Variants in KIF14 observed in about 807,000 individuals in gnomAD.
KIF14 encodes kinesin-like protein KIF14.
KIF14 carries 98 observed loss-of-function variants against 176.2 expected under a neutral mutation model. The observed-to-expected ratio is 0.56, with a 90% CI of 0.47 to 0.66. KIF14 has a LOEUF of 0.66. Ranked by LOEUF, KIF14 falls within the 30% of genes least tolerant of loss-of-function variation. The probability of loss-of-function intolerance (pLI) is 0.00; values close to 1 mark genes in which losing one functional copy is unlikely to be tolerated. For synonymous variants in KIF14, 566 were observed against 632.2 expected, an observed-to-expected ratio of 0.90 and a Z score of 1.57; for missense variants, 1,751 against 1,920.4, an observed-to-expected ratio of 0.91 and a Z score of 1.65.
intron 14 of KIF14, among the ~76,000 whole-genome samples, chr1:200,597,850 T>C (rs1410628491): frequency 2.0e-5 from 3 of 152,244 alleles, no homozygotes; most frequent in Non-Finnish European, 2.9e-5. Context: ...TCCAACAATA[T>C]ATACAAGTAT....
intron 14 of KIF14, among the ~76,000 whole-genome samples, chr1:200,594,329 T>C (rs1315653297): frequency 7.3e-6 from 1 of 136,142 alleles, no homozygotes; most frequent in Non-Finnish European, 1.5e-5. Context: ...GTATTTTTAT[T>C]ATAACTTCTT....
At chr1:200,615,245 G>T in intron 3 of KIF14, 110 bp downstream of exon 3, 1 of 1,177,508 alleles carries the variant, frequency 8.5e-7, no homozygotes, top group Non-Finnish European at 1.2e-6. Context: ...TGAGATTTGG[G>T]CCAAGATCTG....
At chr1:200,554,387 T>A (rs1427692999) in intron 29 of KIF14, 81 bp downstream of exon 29, 1 of 962,404 alleles carries the variant, frequency 1.0e-6, no homozygotes, top group East Asian at 2.9e-5. Flanking sequence ...CGAGACTCCA[T>A]CTCAAAAAAA....
chr1:200,553,556 G>T lies in KIF14; in HGVS notation c.4779C>A (p.Pro1593=). The change falls in exon 30 of 30, where the codon CCC becomes CCA. Residue 1593 remains proline (P), a synonymous_variant. Transcript: ENST00000367350. Reference sequence around the variant, plus strand: ...TGGTATTTTGATTATAAGTTTCCCAGGGTTTCAACAAATCAGGGCTTTCTT... The same window carrying T: ...TGGTATTTTGATTATAAGTTTCCCATGGTTTCAACAAATCAGGGCTTTCTT... ...ESEESPDLLK[P]WETYNQNTKE... is the part of the protein sequence containing the mutation. 6.2e-7 allele frequency: 1 copy of T among 1,613,978 alleles called. No homozygotes were observed. The highest frequency in any genetic ancestry group is 1.7e-5 in the Admixed American group (1 of 59,982).
rs755764695 is a variant in KIF14, at chr1:200,596,874, A to ATC, written c.2549+1361_2549+1362dup. 7.4e-3 allele frequency among the ~76,000 whole-genome samples: 925 copies of ATC among 125,058 alleles called. 14 individuals carry two copies. The highest frequency in any genetic ancestry group is 0.023 in the African/African-American group (735 of 31,492). The allele number at this position is 125,058 out of a possible 152,430, so 82.0% of individuals were successfully genotyped here. On this transcript the variant is annotated intron_variant, in intron 14 of 29. Transcript: ENST00000367350. Reference sequence around the variant, plus strand: ...CCACCGCACCTGGCCAGAACACTCTATCTCTCTCTCTCTCTTTTTTTTTTT... The same window carrying ATC: ...CCACCGCACCTGGCCAGAACACTCTATCTCTCTCTCTCTCTCTTTTTTTTTTT...
At chr1:200,589,522 A>AGATATCACTAGTCAAACTT (rs75982554) in intron 17 of KIF14, among the ~76,000 whole-genome samples, 153 bp from the exon 18 acceptor site, 10 of 151,742 alleles carry the variant, frequency 6.6e-5, no homozygotes, top group African/African-American at 2.4e-4. Context: ...AACTAAAAAT[A>AGATATCACTAGTCAAACTT]CTTAAGAGTA....
intron 16 of KIF14, 80 bp downstream of exon 16, chr1:200,592,000 C>G: frequency 8.1e-7 from 1 of 1,233,614 alleles, no homozygotes; most frequent in Non-Finnish European, 1.1e-6. Context: ...GAGTTAATTA[C>G]TAGAGACTGG....
chr1:200,604,063 A>G, intron 8 of KIF14, 108 bp from the exon 9 acceptor site: 1 of 674,412 alleles, frequency 1.5e-6, no homozygotes, highest in Admixed American at 2.5e-5. Context: ...TTTATTTTTT[A>G]AATAGTCTCT....
At chr1:200,610,073 A>G (rs1157877258) in intron 4 of KIF14, among the ~76,000 whole-genome samples, 1 of 152,232 alleles carries the variant, frequency 6.6e-6, no homozygotes, top group Non-Finnish European at 1.5e-5. Context: ...CTTAATGGGT[A>G]GAGGGTCCCC....
At chr1:200,606,902 CTTTAT>C (rs1659910473) in intron 5 of KIF14, 104 bp from the exon 6 acceptor site, 3 of 929,220 alleles carry the variant, frequency 3.2e-6, no homozygotes, top group Middle Eastern at 2.2e-4. Context: ...AGAGATTTGT[CTTTAT>C]TTTATCCAGG....
intron 21 of KIF14, among the ~76,000 whole-genome samples, chr1:200,577,358 A>G (rs1364998956): frequency 6.7e-6 from 1 of 150,338 alleles, no homozygotes. Context: ...AACAAAAATC[A>G]TGTTACCCAG....
intron 18 of KIF14, 46 bp downstream of exon 18, chr1:200,589,171 C>T: frequency 6.7e-7 from 1 of 1,488,052 alleles, no homozygotes; most frequent in East Asian, 2.4e-5. Context: ...AAAAAAAATC[C>T]AGCTTTTTCT....
rs188357087 is a variant in KIF14, at chr1:200,574,123, G to A, written c.3566+1468C>T. Among the ~76,000 whole-genome samples, 189 of 152,184 alleles carry A rather than the reference G, an allele frequency of 1.2e-3. No homozygotes were observed. In the Middle Eastern group the frequency reaches 0.021, roughly 17 times the overall value. ...CTTCATAGGTTTGTGGTGTGTACTA[G>A]GTAAGATAAGGCTTAGTAAGCATTT... On this transcript the variant is annotated intron_variant, in intron 22 of 29. Coordinates refer to ENST00000367350, the MANE Select transcript of KIF14 (RefSeq NM_014875.3).
rs1365417290 is a variant in KIF14, at chr1:200,552,878, G to C, written c.*510C>G. ...ACGACTAATGAACCAACTACAGACAGTATACCAATGTTAAACACTTTAAAG... is the reference window on the plus strand; with the variant it reads ...ACGACTAATGAACCAACTACAGACACTATACCAATGTTAAACACTTTAAAG... On this transcript the variant is annotated 3_prime_UTR_variant, in exon 30 of 30. Coordinates refer to ENST00000367350, the MANE Select transcript of KIF14 (RefSeq NM_014875.3). 1 of 151,606 alleles carries C rather than the reference G, an allele frequency of 6.6e-6. No homozygotes were observed. The highest frequency in any genetic ancestry group is 1.9e-4 in the East Asian group (1 of 5,184). The allele number at this position is 151,606 out of a possible 1,614,324, so 9.4% of individuals were successfully genotyped here.
rs1238507785 is a variant in KIF14 at position 200,614,301 on chromosome 1, GTAT to G, written c.1455+14_1455+16del. 7.3e-7 allele frequency: 1 copy of G among 1,374,512 alleles called. No individual in the cohort carries two copies. The highest frequency in any genetic ancestry group is 1.4e-5 in the African/African-American group (1 of 69,414). 85.1% of individuals were successfully genotyped at this position (1,374,512 alleles called of 1,614,324 possible). On this transcript the variant is annotated intron_variant, in intron 4 of 29. Transcript: ENST00000367350. ...TTCTACTCTGAAAAGAAGCTTGCAG[GTAT>G]TATAAGAACATACCTCTTGGGTTTG... is the stretch of plus-strand genomic sequence containing the variant.
chr1:200,608,907 T>C lies in KIF14; in HGVS notation c.1477A>G (p.Ser493Gly), dbSNP rs771409397. The C allele has an allele frequency of 6.2e-7, 1 of 1,603,548 alleles. No homozygotes were observed. Among genetic ancestry groups the C allele is most frequent in the Non-Finnish European group, 8.5e-7 (1 of 1,171,082 alleles). Residue 493 changes from serine to glycine, a missense_variant, in exon 5 of 30, where the codon AGC becomes GGC. By Grantham distance (56) the Ser-to-Gly change is moderately conservative. Coordinates refer to ENST00000367350, the MANE Select transcript of KIF14 (RefSeq NM_014875.3). ...TQEVSYHIEM[S>G]FFEVYNEKIH... ...TTTTCATTATATACTTCAAAGAAGC[T>C]CATTTCAATGTGATAGCTGACCTAG...
chr1:200,582,483 A>C (rs1658515422), intron 19 of KIF14, among the ~76,000 whole-genome samples: 1 of 152,268 alleles, frequency 6.6e-6, no homozygotes, highest in Non-Finnish European at 1.5e-5. Flanking sequence ...CATGAATTAA[A>C]AAATCAAGTA....
Position 200,602,007 on chromosome 1 carries a change from C to T in KIF14, c.2041G>A (p.Ala681Thr), listed in dbSNP as rs753684679. ...KTAMIATISPAASNIEETLST... is the reference protein window; with the variant it reads ...KTAMIATISPTASNIEETLST... ...AATGTTTCTTCTATGTTGCTGGCAGCGGGACTAATCGTAGCAATCATTGCA... is the reference window on the plus strand; with the variant it reads ...AATGTTTCTTCTATGTTGCTGGCAGTGGGACTAATCGTAGCAATCATTGCA... Residue 681 changes from alanine (A) to threonine (T), a missense_variant, in exon 11 of 30, where the codon GCT (alanine) becomes ACT (threonine). Physicochemically the swap from Ala to Thr is moderately conservative, Grantham distance 58 (BLOSUM62 0). Coordinates refer to ENST00000367350, the MANE Select transcript of KIF14 (RefSeq NM_014875.3). 133 of 1,613,548 alleles carry T rather than the reference C, an allele frequency of 8.2e-5. No homozygotes were observed. Among genetic ancestry groups the T allele is most frequent in the Non-Finnish European group, 1.0e-4 (121 of 1,179,812 alleles).
chr1:200,583,964 C>T (rs942097459), intron 19 of KIF14, among the ~76,000 whole-genome samples: 11 of 151,368 alleles, frequency 7.3e-5, no homozygotes, highest in East Asian at 1.9e-4. Flanking sequence ...ATAGTCGGGC[C>T]GGGCCCCGGT....
Sources: allele counts gnomAD v4.1 joint callset (sites outside exome capture counted in the v4.1 genomes callset), GRCh38; gene constraint gnomAD v4.1.1; transcripts MANE v1.5; gene names NCBI Gene and HGNC (gene_info 2026-07-23, HGNC 2026-07-21).